BEND7: variants seen among roughly 807,000 people sequenced by gnomAD.
BEND7 encodes the protein BEN domain containing 7.
A neutral mutation model predicts 50.9 loss-of-function variants in BEND7; 28 were observed. The observed-to-expected ratio is 0.55, with a 90% CI of 0.41 to 0.75. The LOEUF (loss-of-function observed/expected upper bound fraction) is 0.75, where lower values mean the gene tolerates loss of function less well. Ranked by LOEUF, BEND7 falls within the 30% of genes least tolerant of loss-of-function variation. The probability of loss-of-function intolerance (pLI) is 0.00; values close to 1 mark genes in which losing one functional copy is unlikely to be tolerated. For missense variants in BEND7, 477 were observed against 491.3 expected (o/e 0.97, Z 0.28); for synonymous variants, 170 against 183.9 (o/e 0.92, Z 0.61).
chr10:13,516,441 A>G (rs891024686), intron 2 of BEND7, among the ~76,000 whole-genome samples: 1 of 152,152 alleles, frequency 6.6e-6, no homozygotes, highest in Admixed American at 6.5e-5. Flanking sequence ...AAAATAGAAA[A>G]CAGGCTGGGC....
intron 2 of BEND7, among the ~76,000 whole-genome samples, chr10:13,516,281 C>T (rs186823200): frequency 7.2e-5 from 11 of 152,260 alleles, no homozygotes; most frequent in African/African-American, 2.4e-4. Context: ...CATGCCAGGG[C>T]CCTGGTGTTG....
In BEND7 at chr10:13,480,915, A is replaced by G; in HGVS notation, c.1047T>C (p.Ile349=). The G allele has an allele frequency of 6.2e-7, 1 of 1,614,154 alleles. No individual in the cohort carries two copies. The highest frequency in any genetic ancestry group is 8.5e-7 in the Non-Finnish European group (1 of 1,180,016). ...NDNRKGLDQN[I]VGAIKVFTEK... ...CAGACCAACCTTTTATTGCACCCAC[A>G]ATATTTTGGTCTAGTCCTTTCCGGT... Residue 349 remains isoleucine, a synonymous_variant, in exon 6 of 9, where the codon ATT becomes ATC. Coordinates refer to ENST00000466271, the MANE Select transcript of BEND7 (RefSeq NM_001369863.1).
chr10:13,460,807 G>T (rs933026792), intron 6 of BEND7, among the ~76,000 whole-genome samples: 3 of 152,204 alleles, frequency 2.0e-5, no homozygotes, highest in Non-Finnish European at 2.9e-5. Context: ...TGGGGGGAGG[G>T]TTACAAATCT....
intron 4 of BEND7, among the ~76,000 whole-genome samples, chr10:13,495,982 A>G (rs1471345626): frequency 2.0e-5 from 3 of 152,230 alleles, no homozygotes; most frequent in Non-Finnish European, 4.4e-5. Flanking sequence ...TTTTCCCTCA[A>G]TTGTGAAGAT....
At chr10:13,452,136 T>C (rs565262347) in intron 7 of BEND7, among the ~76,000 whole-genome samples, 7 of 152,350 alleles carry the variant, frequency 4.6e-5, no homozygotes, top group South Asian at 2.1e-4. Context: ...GTGTTGCTGA[T>C]AGAAGAGCTT....
intron 7 of BEND7, among the ~76,000 whole-genome samples, chr10:13,451,841 T>C (rs1160948361): frequency 1.4e-5 from 2 of 144,260 alleles, no homozygotes; most frequent in Non-Finnish European, 3.0e-5. Flanking sequence ...TTCCCACCTA[T>C]GAGTGAGAAC....
intron 6 of BEND7, among the ~76,000 whole-genome samples, chr10:13,462,369 T>C (rs1840390498): frequency 2.0e-5 from 3 of 152,132 alleles, no homozygotes; most frequent in Admixed American, 1.3e-4. Flanking sequence ...GAACTTCCAT[T>C]TATAAAACCA....
At chr10:13,497,356 A>G (rs973288545) in intron 3 of BEND7, among the ~76,000 whole-genome samples, 1 of 152,268 alleles carries the variant, frequency 6.6e-6, no homozygotes, top group Non-Finnish European at 1.5e-5. Context: ...TTTTGATATT[A>G]AGCACATTAT....
chr10:13,460,279 A>T (rs1253697508), intron 6 of BEND7, among the ~76,000 whole-genome samples: 1 of 152,196 alleles, frequency 6.6e-6, no homozygotes, highest in Non-Finnish European at 1.5e-5. Flanking sequence ...AGAGGGATGC[A>T]GAGTCCAGGC....
intron 6 of BEND7, among the ~76,000 whole-genome samples, chr10:13,467,549 G>A (rs1236133972): frequency 6.6e-6 from 1 of 152,074 alleles, no homozygotes; most frequent in African/African-American, 2.4e-5. Context: ...TACAAACTTG[G>A]CTTTTTTATT....
At chr10:13,452,010 G>A (rs1837864641) in intron 7 of BEND7, among the ~76,000 whole-genome samples, 1 of 152,070 alleles carries the variant, frequency 6.6e-6, no homozygotes, top group Non-Finnish European at 1.5e-5. Context: ...ACTTTTCCTG[G>A]AAGAATAATC....
chr10:13,438,926 G>A (rs958782264), downstream of BEND7: 2 of 470,568 alleles, frequency 4.3e-6, no homozygotes, highest in Non-Finnish European at 7.7e-6. Flanking sequence ...GGGAGAAGGG[G>A]AGTCACTTCT....
chr10:13,500,085 T>G lies in BEND7; in HGVS notation c.146-5A>C. The G allele has an allele frequency of 6.3e-7, 1 of 1,580,010 alleles. No individual in the cohort carries two copies. Among genetic ancestry groups the G allele is most frequent in the East Asian group, 2.3e-5 (1 of 44,254 alleles). ...TTATTTCCATGCTTTCATCTCCTAA[T>G]GGAAACAGGGCCAAAGTTAGCACTC... On this transcript the variant is annotated splice_polypyrimidine_tract_variant and splice_region_variant and intron_variant, in intron 2 of 8. Transcript: ENST00000466271.
intron 2 of BEND7, among the ~76,000 whole-genome samples, chr10:13,513,222 C>T (rs72785330): frequency 0.035 from 5,332 of 152,212 alleles, 142 homozygotes; most frequent in Admixed American, 0.06. Context: ...CACTGGTGTG[C>T]AAAACATTGC....
At chr10:13,474,369 T>C (rs1436132870) in intron 6 of BEND7, among the ~76,000 whole-genome samples, 1 of 149,448 alleles carries the variant, frequency 6.7e-6, no homozygotes, top group East Asian at 2.0e-4. Flanking sequence ...AGATTTGGGG[T>C]CGATATTCCT....
chr10:13,528,511 CT>C lies in BEND7; in HGVS notation c.22del (p.Arg8GlufsTer11). 1 of 1,038,828 alleles carries C rather than the reference CT, an allele frequency of 9.6e-7. No individual in the cohort carries two copies. The highest frequency in any genetic ancestry group is 5.4e-5 in the Admixed American group (1 of 18,524). The allele number at this position is 1,038,828 out of a possible 1,614,324, so 64.4% of individuals were successfully genotyped here. A position where few individuals can be genotyped will look rare whatever the true frequency, so the allele number is the denominator to read the frequency against. The part of the protein sequence containing the change: MEFSERK[R>X]SRKSQSFKLV... ...TTTGAAGCTCTGGGATTTCCTGCTT[CT>C]TTTCCTCTCGGAGAACTCCATGGTG... On this transcript the variant is annotated frameshift_variant, in exon 1 of 9. Coordinates refer to ENST00000466271, the MANE Select transcript of BEND7 (RefSeq NM_001369863.1). LOFTEE classifies it high-confidence loss of function.
intron 5 of BEND7, among the ~76,000 whole-genome samples, chr10:13,484,707 G>A (rs2076096487): frequency 1.3e-5 from 2 of 152,164 alleles, no homozygotes; most frequent in African/African-American, 2.4e-5. Flanking sequence ...ATGTCTAAAC[G>A]AACAGTTCAA....
At chr10:13,449,741 T>C (rs1003851159) in intron 7 of BEND7, among the ~76,000 whole-genome samples, 1 of 152,130 alleles carries the variant, frequency 6.6e-6, no homozygotes. Flanking sequence ...AACAGGCCTA[T>C]GCAATTATGT....
intron 2 of BEND7, among the ~76,000 whole-genome samples, chr10:13,514,190 T>G (rs1195303885): frequency 6.6e-6 from 1 of 152,160 alleles, no homozygotes; most frequent in Non-Finnish European, 1.5e-5. Flanking sequence ...CACAACCTAG[T>G]GGGTTCTACA....
Sources: allele counts gnomAD v4.1 joint callset (sites outside exome capture counted in the v4.1 genomes callset), GRCh38; gene constraint gnomAD v4.1.1; transcripts MANE v1.5; gene names NCBI Gene and HGNC (gene_info 2026-07-23, HGNC 2026-07-21).